The following PLCB4 variants were observed in gnomAD, a reference collection of about 807,000 sequenced individuals.
PLCB4 encodes phospholipase C beta 4.
In PLCB4, 77 loss-of-function variants were observed where a neutral mutation model predicts 178.8. That is an observed-to-expected ratio of 0.43 (90% confidence interval 0.36 to 0.52). The LOEUF is 0.52. PLCB4 is among the 20% of genes least tolerant of loss of function. The pLI is 0.00. For missense variants in PLCB4, 1,024 were observed against 1,453.4 expected (o/e 0.70, Z 4.80); for synonymous variants, 496 against 490.8 (o/e 1.01, Z -0.14).
intron 7 of PLCB4, among the ~76,000 whole-genome samples, chr20:9,353,488 CT>C (rs1277725773): frequency 6.6e-6 from 1 of 152,212 alleles, no homozygotes; most frequent in Non-Finnish European, 1.5e-5. Context: ...TTAATTTTTA[CT>C]TCTTAACATG....
intron 2 of PLCB4, among the ~76,000 whole-genome samples, chr20:9,155,971 A>G (rs548324667): frequency 1.3e-5 from 2 of 152,290 alleles, no homozygotes; most frequent in East Asian, 1.9e-4. Context: ...GAGACAGCCA[A>G]TAGCAAACAT....
rs367949810 is a variant in PLCB4 at position 9,453,327 on chromosome 20, T to C, written c.2881-20T>C. 2 of 1,471,568 alleles carry C rather than the reference T, an allele frequency of 1.4e-6. No individual in the cohort carries two copies. The highest frequency in any genetic ancestry group is 1.4e-5 in the African/African-American group (1 of 72,230). 91.2% of individuals were successfully genotyped at this position (1,471,568 alleles called of 1,614,324 possible). A position where few individuals can be genotyped will look rare whatever the true frequency, so the allele number is the denominator to read the frequency against. On this transcript the variant is annotated intron_variant, in intron 32 of 39. Coordinates refer to ENST00000378473, the MANE Select transcript of PLCB4 (RefSeq NM_001377142.1). ...CCATGCTAAGAGTCCAATTCATAACTGCAAATCCTTCTTGTTCAGGAACAC... is the reference window on the plus strand; with the variant it reads ...CCATGCTAAGAGTCCAATTCATAACCGCAAATCCTTCTTGTTCAGGAACAC...
chr20:9,456,679 G>T (rs1202218409), intron 33 of PLCB4, among the ~76,000 whole-genome samples: 1 of 152,184 alleles, frequency 6.6e-6, no homozygotes, highest in African/African-American at 2.4e-5. Context: ...CTTGCTCAGT[G>T]CCAGCCATTG....
intron 4 of PLCB4, among the ~76,000 whole-genome samples, chr20:9,318,487 T>TA (rs1274288312): frequency 6.6e-6 from 1 of 152,182 alleles, no homozygotes; most frequent in Non-Finnish European, 1.5e-5. Context: ...ATGGCAATGT[T>TA]ATTTGCAGAA....
chr20:9,332,849 T>G (rs1386659187), intron 4 of PLCB4, among the ~76,000 whole-genome samples: 3 of 152,218 alleles, frequency 2.0e-5, no homozygotes, highest in Non-Finnish European at 4.4e-5. Context: ...CCCAGATTTC[T>G]CATCCTATTT....
chr20:9,168,124 A>G (rs2093002868), intron 2 of PLCB4, among the ~76,000 whole-genome samples: 1 of 152,232 alleles, frequency 6.6e-6, no homozygotes, highest in African/African-American at 2.4e-5. Flanking sequence ...GCAATTACAT[A>G]TAAAGTGATG....
At chr20:9,086,384 G>A (rs2090422606) in intron 1 of PLCB4, among the ~76,000 whole-genome samples, 1 of 152,038 alleles carries the variant, frequency 6.6e-6, no homozygotes, top group Admixed American at 6.6e-5. Context: ...TAGCAAAATG[G>A]TTGTGAGCGT....
rs12625181 is a variant in PLCB4, at chr20:9,149,713, G to A, written c.-79+53371G>A. 4.1e-4 allele frequency among the ~76,000 whole-genome samples: 62 copies of A among 151,656 alleles called. No individual in the cohort carries two copies. The East Asian group carries it at 0.01, about 25-fold the overall frequency. On this transcript the variant is annotated intron_variant, in intron 2 of 39. Transcript: ENST00000378473. ...ACTCTGGGCAAGTTTCTTAACCTGA[G>A]ACTGACTTTTTAATCTAAAAAAATG...
intron 7 of PLCB4, among the ~76,000 whole-genome samples, chr20:9,354,111 C>G (rs1404458294): frequency 6.6e-6 from 1 of 152,188 alleles, no homozygotes; most frequent in Non-Finnish European, 1.5e-5. Context: ...GTGAAATATC[C>G]TCTTACCCAA....
At chr20:9,295,388 C>A (rs2094622198) in intron 3 of PLCB4, among the ~76,000 whole-genome samples, 1 of 152,098 alleles carries the variant, frequency 6.6e-6, no homozygotes, top group African/African-American at 2.4e-5. Flanking sequence ...GAAAAAACTG[C>A]TACTATACAG....
At chr20:9,382,083 CT>C (rs2037188542) in intron 13 of PLCB4, among the ~76,000 whole-genome samples, 1 of 152,326 alleles carries the variant, frequency 6.6e-6, no homozygotes, top group African/African-American at 2.4e-5. Flanking sequence ...CTTCCTACCC[CT>C]AGATATGTTC....
At chr20:9,210,926 T>C (rs1297227725) in intron 2 of PLCB4, among the ~76,000 whole-genome samples, 2 of 152,190 alleles carry the variant, frequency 1.3e-5, no homozygotes, top group Non-Finnish European at 2.9e-5. Flanking sequence ...ATAAATATTG[T>C]AGCACGAACT....
At chr20:9,327,164 T>G (rs928021920) in intron 4 of PLCB4, among the ~76,000 whole-genome samples, 1 of 151,334 alleles carries the variant, frequency 6.6e-6, no homozygotes, top group Non-Finnish European at 1.5e-5. Flanking sequence ...CTGGGCCAGG[T>G]GCAGTGGCTC....
At chr20:9,127,501 C>T (rs2092146307) in intron 2 of PLCB4, among the ~76,000 whole-genome samples, 1 of 151,970 alleles carries the variant, frequency 6.6e-6, no homozygotes, top group Non-Finnish European at 1.5e-5. Context: ...GTCCCTTTCC[C>T]CAGATTTCTA....
At chr20:9,126,257 A>G (rs560422772) in intron 2 of PLCB4, among the ~76,000 whole-genome samples, 30 of 152,194 alleles carry the variant, frequency 2.0e-4, no homozygotes, top group Non-Finnish European at 4.0e-4. Context: ...TATTTTAAGT[A>G]TTGCTGTAAG....
At chr20:9,383,867 A>G (rs1327693151) in intron 13 of PLCB4, among the ~76,000 whole-genome samples, 2 of 152,190 alleles carry the variant, frequency 1.3e-5, no homozygotes, top group Non-Finnish European at 2.9e-5. Flanking sequence ...CTAGGAGCCA[A>G]AGGAGTGAGT....
At chr20:9,359,795 T>C (rs1394662580) in intron 7 of PLCB4, among the ~76,000 whole-genome samples, 2 of 152,318 alleles carry the variant, frequency 1.3e-5, no homozygotes, top group South Asian at 2.1e-4. Context: ...TCGTGGTTTA[T>C]TGCTTCTGTT....
chr20:9,396,898 T>G (rs542994093), intron 19 of PLCB4, among the ~76,000 whole-genome samples: 1 of 152,242 alleles, frequency 6.6e-6, no homozygotes, highest in Non-Finnish European at 1.5e-5. Context: ...GAAATCTTTT[T>G]GTGGAGGGTC....
chr20:9,404,598 G>GTGTC (rs2039294856), intron 20 of PLCB4, among the ~76,000 whole-genome samples: 1 of 131,840 alleles, frequency 7.6e-6, no homozygotes, highest in Non-Finnish European at 1.6e-5. Flanking sequence ...GAGCAAGACT[G>GTGTC]TGTCTCAAAA....
Sources: gnomAD v4.1 joint callset for allele counts (sites outside exome capture counted in the v4.1 genomes callset) on GRCh38, gnomAD v4.1.1 for gene constraint, MANE v1.5 for transcripts, NCBI Gene and HGNC (gene_info 2026-07-23, HGNC 2026-07-21) for gene names.